The following MYO5A variants were observed in gnomAD, a reference collection of about 807,000 sequenced individuals.
MYO5A encodes myosin VA.
Under a neutral mutation model 249.7 loss-of-function variants are expected in MYO5A, and 98 were observed. The observed-to-expected ratio is 0.39, with a 90% CI of 0.33 to 0.46. The LOEUF is 0.46. MYO5A is among the 20% of genes least tolerant of loss of function. MYO5A has a pLI of 0.98. For synonymous variants in MYO5A, 778 were observed against 810.6 expected (o/e 0.96, Z 0.68); for missense variants, 1,696 against 2,308.8 (o/e 0.73, Z 5.44).
chr15:52,477,378 T>C (rs2076618225), intron 1 of MYO5A, among the ~76,000 whole-genome samples: 1 of 152,218 alleles, frequency 6.6e-6, no homozygotes, highest in African/African-American at 2.4e-5. Flanking sequence ...TTACTGATCT[T>C]CCGAAGCCTT....
chr15:52,501,828 C>A (rs2077163066), intron 1 of MYO5A, among the ~76,000 whole-genome samples: 1 of 151,240 alleles, frequency 6.6e-6, no homozygotes, highest in Non-Finnish European at 1.5e-5. Context: ...CTAGTATAAA[C>A]TTCCATAACA....
At chr15:52,440,503 G>C (rs1173427754) in intron 1 of MYO5A, among the ~76,000 whole-genome samples, 1 of 152,184 alleles carries the variant, frequency 6.6e-6, no homozygotes, top group African/African-American at 2.4e-5. Flanking sequence ...CCTGACCTCA[G>C]GTGATCTGCC....
Position 52,408,099 on chromosome 15 carries a change from A to G in MYO5A, c.798T>C (p.Cys266=). ...TAAATTCAGGTAACTTTGCTGAGGC[A>G]CAAAGCTGATAGAAGATATGATAGT... The part of the protein sequence containing the change: ...ERNYHIFYQL[C]ASAKLPEFKM... The change falls in exon 7 of 42, where the codon TGT becomes TGC. Residue 266 remains cysteine (C), a synonymous_variant. Coordinates refer to ENST00000399233, the MANE Select transcript of MYO5A (RefSeq NM_001382347.1). The G allele has an allele frequency of 6.2e-7, 1 of 1,608,570 alleles. No homozygotes were observed. Among genetic ancestry groups the G allele is most frequent in the Non-Finnish European group, 8.5e-7 (1 of 1,175,536 alleles).
chr15:52,340,069 T>A, intron 32 of MYO5A, 127 bp downstream of exon 32: 1 of 926,896 alleles, frequency 1.1e-6, no homozygotes, highest in South Asian at 1.4e-5. Flanking sequence ...TCTGCTGGAG[T>A]AAGAGGGGTA....
intron 36 of MYO5A, among the ~76,000 whole-genome samples, chr15:52,325,060 G>T (rs1029241482): frequency 3.3e-5 from 5 of 152,132 alleles, no homozygotes; most frequent in African/African-American, 1.2e-4. Context: ...CTTAAGTGTA[G>T]ATTTGACTAA....
At chr15:52,462,853 A>T (rs2076280970) in intron 1 of MYO5A, among the ~76,000 whole-genome samples, 1 of 152,076 alleles carries the variant, frequency 6.6e-6, no homozygotes, top group African/African-American at 2.4e-5. Context: ...CTTGGAAAAA[A>T]AAAAAAAAGG....
chr15:52,491,253 C>T (rs2076930295), intron 1 of MYO5A, among the ~76,000 whole-genome samples: 1 of 152,092 alleles, frequency 6.6e-6, no homozygotes, highest in South Asian at 2.1e-4. Context: ...TTGGATTATT[C>T]CTACCAAGTT....
At chr15:52,517,835 TAAC>T (rs147714947) in intron 1 of MYO5A, among the ~76,000 whole-genome samples, 118,538 of 151,668 alleles carry the variant, frequency 0.78, 46,847 homozygotes, top group South Asian at 0.85. Flanking sequence ...ACAAAAGACT[TAAC>T]AAAGTAAATC....
chr15:52,450,843 G>GTTTTTTTTTTT (rs56842960), intron 1 of MYO5A, among the ~76,000 whole-genome samples: 4 of 84,588 alleles, frequency 4.7e-5, no homozygotes, highest in African/African-American at 1.5e-4. Flanking sequence ...CACTACTGTG[G>GTTTTTTTTTTT]TTTTTTTTTT....
chr15:52,495,762 A>T (rs992655374), intron 1 of MYO5A, among the ~76,000 whole-genome samples: 1 of 152,212 alleles, frequency 6.6e-6, no homozygotes, highest in Non-Finnish European at 1.5e-5. Context: ...AAGTCCTTGC[A>T]TGCATTAAAG....
intron 1 of MYO5A, among the ~76,000 whole-genome samples, chr15:52,521,643 C>CA (rs2077623757): frequency 6.6e-6 from 1 of 152,082 alleles, no homozygotes. Context: ...ATTTTGAAAT[C>CA]AAAAAATAAT....
chr15:52,459,206 A>G (rs1046484511), intron 1 of MYO5A, among the ~76,000 whole-genome samples: 1 of 109,232 alleles, frequency 9.2e-6, no homozygotes, highest in African/African-American at 3.3e-5. Flanking sequence ...GGTGTTTCTC[A>G]GAGAGGGGGA....
chr15:52,368,670 C>G (rs144856216), intron 22 of MYO5A, among the ~76,000 whole-genome samples: 1 of 152,198 alleles, frequency 6.6e-6, no homozygotes, highest in Non-Finnish European at 1.5e-5. Flanking sequence ...TTTGTGAGAC[C>G]AATGTGGGAA....
intron 1 of MYO5A, among the ~76,000 whole-genome samples, chr15:52,507,532 T>C (rs546616177): frequency 2.0e-5 from 3 of 152,194 alleles, no homozygotes; most frequent in African/African-American, 7.2e-5. Context: ...AAGAGTGTGA[T>C]AAGGGCCTGG....
chr15:52,375,155 T>A, intron 20 of MYO5A, 149 bp downstream of exon 20: 1 of 831,912 alleles, frequency 1.2e-6, no homozygotes, highest in East Asian at 2.8e-5. Flanking sequence ...TAAAAAAGAA[T>A]TTTTTAAAAT....
chr15:52,362,648 C>A (rs1353420109), intron 24 of MYO5A, among the ~76,000 whole-genome samples: 1 of 152,158 alleles, frequency 6.6e-6, no homozygotes, highest in Admixed American at 6.5e-5. Context: ...GAGTCACAGG[C>A]ATACAATGGA....
At chr15:52,422,787 GC>G (rs2075308284) in intron 4 of MYO5A, among the ~76,000 whole-genome samples, 1 of 152,070 alleles carries the variant, frequency 6.6e-6, no homozygotes, top group South Asian at 2.1e-4. Flanking sequence ...CACCATCTTG[GC>G]CCACTGCAGC....
At chr15:52,391,378 A>G (rs750565564) in intron 12 of MYO5A, among the ~76,000 whole-genome samples, 15 of 152,218 alleles carry the variant, frequency 9.9e-5, no homozygotes, top group Non-Finnish European at 1.9e-4. Context: ...CACCTGTGCT[A>G]AAATGTAACT....
chr15:52,348,851 C>T, intron 28 of MYO5A, 25 bp from the exon 29 acceptor site: 3 of 1,599,860 alleles, frequency 1.9e-6, no homozygotes, highest in Non-Finnish European at 2.6e-6. Flanking sequence ...TCAGCAAGCA[C>T]AAAAAACAGA....
Sources: gnomAD v4.1 joint callset for allele counts (sites outside exome capture counted in the v4.1 genomes callset) on GRCh38, gnomAD v4.1.1 for gene constraint, MANE v1.5 for transcripts, NCBI Gene and HGNC (gene_info 2026-07-23, HGNC 2026-07-21) for gene names.